Variants in TRPM7 observed in about 807,000 individuals in gnomAD.
TRPM7 encodes transient receptor potential cation channel subfamily M member 7.
In TRPM7, 134 loss-of-function variants were observed where a neutral mutation model predicts 229.7. That is an observed-to-expected ratio of 0.58 (90% CI 0.51 to 0.67). The LOEUF (loss-of-function observed/expected upper bound fraction) is 0.67, where lower values mean the gene tolerates loss of function less well. Among genes scored for constraint, TRPM7 ranks in the 30% least tolerant of loss-of-function variants. The pLI, the probability that TRPM7 is intolerant of heterozygous loss-of-function variation, is 0.00. For missense variants in TRPM7, 1,901 were observed against 2,210.0 expected, an observed-to-expected ratio of 0.86 and a Z score of 2.80; for synonymous variants, 699 against 715.2, an observed-to-expected ratio of 0.98 and a Z score of 0.36.
intron 13 of TRPM7, among the ~76,000 whole-genome samples, chr15:50,618,450 G>C (rs1287450943): frequency 2.0e-5 from 3 of 151,908 alleles, no homozygotes; most frequent in Admixed American, 1.3e-4. Context: ...GGTGCCTGTA[G>C]TCCCAGCTAC....
chr15:50,598,758 A>G (rs493728), intron 22 of TRPM7, among the ~76,000 whole-genome samples: 89,723 of 152,036 alleles, frequency 0.59, 26,772 homozygotes, highest in African/African-American at 0.67. Flanking sequence ...ACAGTCTTAG[A>G]ATCATAAGGG....
chr15:50,660,402 A>T (rs1024089877), intron 2 of TRPM7, among the ~76,000 whole-genome samples: 1 of 152,090 alleles, frequency 6.6e-6, no homozygotes, highest in African/African-American at 2.4e-5. Context: ...AGGCACGGTG[A>T]CTCACTTTGG....
At chr15:50,611,733 G>C (rs1303830939) in intron 16 of TRPM7, among the ~76,000 whole-genome samples, 2 of 152,154 alleles carry the variant, frequency 1.3e-5, no homozygotes, top group African/African-American at 4.8e-5. Context: ...TCTGAATCTT[G>C]AAGTCCCACT....
chr15:50,635,614 G>A (rs184591118), intron 7 of TRPM7, among the ~76,000 whole-genome samples: 98 of 139,576 alleles, frequency 7.0e-4, no homozygotes, highest in Middle Eastern at 4.6e-3. Context: ...AGTGAGCTGA[G>A]ATCGTGCCAC....
chr15:50,570,064 T>C (rs1384148822), intron 37 of TRPM7, 40 bp downstream of exon 37: 2 of 1,593,260 alleles, frequency 1.3e-6, no homozygotes, highest in South Asian at 1.1e-5. Flanking sequence ...AAATATAAAA[T>C]GTGAAATTAT....
chr15:50,635,689 A>AAAG (rs1567053229), intron 7 of TRPM7, among the ~76,000 whole-genome samples: 42 of 67,430 alleles, frequency 6.2e-4, no homozygotes, highest in African/African-American at 1.4e-3. Flanking sequence ...AAAAAAAAAA[A>AAAG]AAGAGGACGG....
Position 50,654,975 on chromosome 15 carries a change from T to C in TRPM7, c.122+2806A>G, listed in dbSNP as rs375919256. 2.5e-4 allele frequency among the ~76,000 whole-genome samples: 30 copies of C among 122,176 alleles called. No homozygotes were observed. In the East Asian group the frequency reaches 5.3e-3, roughly 22 times the overall value. 80.2% of individuals were successfully genotyped at this position (122,176 alleles called of 152,430 possible). A position where few individuals can be genotyped will look rare whatever the true frequency, so the allele number is the denominator to read the frequency against. On this transcript the variant is annotated intron_variant, in intron 3 of 38. Transcript: ENST00000646667. Reference sequence around the variant, plus strand: ...GAGACTGCGCCACTGCACTCCAGCGTGGGCGACAGAGTGACACTCCGTCTC... The same window carrying C: ...GAGACTGCGCCACTGCACTCCAGCGCGGGCGACAGAGTGACACTCCGTCTC...
In TRPM7 at chr15:50,592,085, A is replaced by C. The variant is rs758633268; in HGVS notation, c.4150T>G (p.Leu1384Val). 3 of 1,610,790 alleles carry C rather than the reference A, an allele frequency of 1.9e-6. No homozygotes were observed. The South Asian group carries it at 3.3e-5, about 18-fold the overall frequency. Residue 1384 changes from leucine to valine, a missense_variant, in exon 26 of 39, where the codon TTA (leucine) becomes GTA (valine). Physicochemically the swap from Leu to Val is conservative, Grantham distance 32. This residue lies in a region of TRPM7 where 533 missense variants were observed against 497.1 expected (regional missense o/e 1.07). Transcript: ENST00000646667. ...LLKIFNKNQKLGSSSTSIPHL... is the reference protein window; with the variant it reads ...LLKIFNKNQKVGSSSTSIPHL... ...GGTATGCTAGTAGATGAACTGCCTA[A>C]TTTTTGATTTTTATTAAATATTTTT...
rs2053265759 is a variant in TRPM7 at position 50,560,398 on chromosome 15, C to CA, written c.*1279dup. 1 of 152,436 alleles carries CA rather than the reference C, an allele frequency of 6.6e-6. No homozygotes were observed. Among genetic ancestry groups the CA allele is most frequent in the Non-Finnish European group, 1.5e-5 (1 of 67,984 alleles). 9.4% of individuals were successfully genotyped at this position (152,436 alleles called of 1,614,324 possible). A position where few individuals can be genotyped will look rare whatever the true frequency, so the allele number is the denominator to read the frequency against. On this transcript the variant is annotated 3_prime_UTR_variant, in exon 39 of 39. Coordinates refer to ENST00000646667, the MANE Select transcript of TRPM7 (RefSeq NM_017672.6). ...CTTTTTCTTTCTCCCCACCCCCAAT[C>CA]AATATTAAACACTATTTAAACAGCT... is the stretch of plus-strand genomic sequence containing the variant.
intron 10 of TRPM7, among the ~76,000 whole-genome samples, chr15:50,628,808 T>C (rs1217733181): frequency 2.0e-5 from 3 of 152,196 alleles, no homozygotes. Context: ...ATGAACTGTT[T>C]CTATCACAGA....
At chr15:50,653,172 C>CG (rs1567089107) in intron 3 of TRPM7, among the ~76,000 whole-genome samples, 2 of 152,086 alleles carry the variant, frequency 1.3e-5, no homozygotes, top group African/African-American at 4.8e-5. Flanking sequence ...AAAAAAGAAA[C>CG]GGACGTGGTG....
At position 50,678,356 on chromosome 15, in the gene TRPM7, G is replaced by A. The variant is rs551091887; in HGVS notation, c.3+8175C>T. 4.7e-4 allele frequency among the ~76,000 whole-genome samples: 71 copies of A among 151,226 alleles called. 1 individual carries two copies. In the South Asian group the frequency reaches 0.014, roughly 29 times the overall value. Reference sequence around the variant, plus strand: ...CATGCCTGCCAAGGGTGACCAACATGCCTGCCAAGGGTGACACAGACAATG... The same window carrying A: ...CATGCCTGCCAAGGGTGACCAACATACCTGCCAAGGGTGACACAGACAATG... On this transcript the variant is annotated intron_variant, in intron 1 of 38. Coordinates refer to ENST00000646667, the MANE Select transcript of TRPM7 (RefSeq NM_017672.6).
At position 50,609,596 on chromosome 15, in the gene TRPM7, T is replaced by A; in HGVS notation, c.2565A>T (p.Lys855Asn). The A allele has an allele frequency of 1.2e-6, 2 of 1,603,920 alleles. No homozygotes were observed. Among genetic ancestry groups the A allele is most frequent in the East Asian group, 4.5e-5 (2 of 44,736 alleles). Residue 855 changes from lysine (K) to asparagine (N), a missense_variant, in exon 19 of 39, where the codon AAA (lysine) becomes AAT (asparagine). Coordinates refer to ENST00000646667, the MANE Select transcript of TRPM7 (RefSeq NM_017672.6). The stretch of plus-strand genomic sequence containing the variant: ...AAAAACATACCGTGTTAAACCAGAA[T>A]TTTACAATTGGTGCATGATAAAAGG... ...FYAFYHAPIV[K>N]FWFNTLAYLG... is the part of the protein sequence containing the mutation.
chr15:50,577,288 G>A (rs2054182012), intron 31 of TRPM7, among the ~76,000 whole-genome samples: 1 of 152,056 alleles, frequency 6.6e-6, no homozygotes, highest in Admixed American at 6.6e-5. Flanking sequence ...GGTGGCTCTC[G>A]CCTGTAATCT....
At chr15:50,635,697 C>G (rs1406175634) in intron 7 of TRPM7, among the ~76,000 whole-genome samples, 5 of 120,060 alleles carry the variant, frequency 4.2e-5, no homozygotes, top group South Asian at 2.6e-4. Context: ...AAAAAGAGGA[C>G]GGCTGGGTAT....
chr15:50,614,032 C>A (rs2060143494), intron 14 of TRPM7, 91 bp downstream of exon 14: 3 of 1,386,154 alleles, frequency 2.2e-6, no homozygotes, highest in Admixed American at 2.2e-5. Context: ...GACAGTGTAA[C>A]CTTCTCCGTT....
chr15:50,558,465 G>C lies in TRPM7; in HGVS notation c.*3213C>G, dbSNP rs1278809033. The stretch of plus-strand genomic sequence containing the variant: ...CCCAGTACTTTGGGTAGCCGGGGGA[G>C]GTGGATCACTTGAGGTCAGGAGTTT... On this transcript the variant is annotated 3_prime_UTR_variant, in exon 39 of 39. Transcript: ENST00000646667. 1 of 152,204 alleles carries C rather than the reference G, an allele frequency of 6.6e-6. No homozygotes were observed. Among genetic ancestry groups the C allele is most frequent in the African/African-American group, 2.4e-5 (1 of 41,428 alleles). 9.4% of individuals were successfully genotyped at this position (152,204 alleles called of 1,614,324 possible).
rs562641517 is a variant in TRPM7, at chr15:50,565,952, T to A, written c.5467+3935A>T. 2.6e-5 allele frequency among the ~76,000 whole-genome samples: 4 copies of A among 152,056 alleles called. No individual in the cohort carries two copies. The South Asian group carries it at 8.3e-4, about 32-fold the overall frequency. ...GATTCTCCTGCCTTGGCTTACTGAG[T>A]AGCTGGGATTACAGGCACCCACTGC... On this transcript the variant is annotated intron_variant, in intron 38 of 38. Transcript: ENST00000646667.
At chr15:50,576,544 C>T (rs1235631443) in intron 31 of TRPM7, among the ~76,000 whole-genome samples, 2 of 152,092 alleles carry the variant, frequency 1.3e-5, no homozygotes, top group African/African-American at 2.4e-5. Flanking sequence ...ACATACTGTA[C>T]GACTATATAG....
Sources: gnomAD v4.1 joint callset for allele counts (sites outside exome capture counted in the v4.1 genomes callset) on GRCh38, gnomAD v4.1.1 for gene constraint, gnomAD v4.1.1 regional missense constraint, MANE v1.5 for transcripts, NCBI Gene and HGNC (gene_info 2026-07-23, HGNC 2026-07-21) for gene names.